FAM184A: variants seen among roughly 807,000 people sequenced by gnomAD.
FAM184A encodes the protein family with sequence similarity 184 member A.
In FAM184A, 99 loss-of-function variants were observed where a neutral mutation model predicts 143.8. The ratio of observed to expected loss-of-function variants is 0.69; its 90% CI spans 0.58 to 0.81. FAM184A has a LOEUF of 0.81. Among genes scored for constraint, FAM184A ranks in the 40% least tolerant of loss-of-function variants. The probability of loss-of-function intolerance (pLI) is 0.00; values close to 1 mark genes in which losing one functional copy is unlikely to be tolerated. For missense variants in FAM184A, 1,217 were observed against 1,310.5 expected (o/e 0.93, Z 1.10); for synonymous variants, 427 against 446.4 (o/e 0.96, Z 0.55).
At chr6:119,115,205 C>A in intron 1 of FAM184A, among the ~76,000 whole-genome samples, 1 of 152,152 alleles carries the variant, frequency 6.6e-6, no homozygotes, top group Non-Finnish European at 1.5e-5. Flanking sequence ...TTCCACAGCT[C>A]AAATAAAATT....
chr6:119,148,795 AT>A lies in FAM184A; in HGVS notation c.-202+282del, dbSNP rs760666813. On this transcript the variant is annotated intron_variant, in intron 1 of 16. Transcript: ENST00000352896. The stretch of plus-strand genomic sequence containing the variant: ...AAAGCTCCAGGGAATCAGGATCTGT[AT>A]TTTTTTTTTTTTAATGAATGTCAGA... Among the ~76,000 whole-genome samples the A allele has an allele frequency of 5.4e-3, 781 of 145,674 alleles. 7 individuals carry two copies. Among genetic ancestry groups the A allele is most frequent in the African/African-American group, 0.012 (491 of 39,938 alleles).
At chr6:119,091,589 G>GGTAACAACGTTAGTAA (rs1251883327) in intron 1 of FAM184A, among the ~76,000 whole-genome samples, 2 of 152,138 alleles carry the variant, frequency 1.3e-5, no homozygotes, top group African/African-American at 4.8e-5. Context: ...ATGTTATACA[G>GGTAACAACGTTAGTAA]GTAACAACGT....
Position 119,078,222 on chromosome 6 carries a change from G to A in FAM184A, c.78C>T (p.Thr26=), listed in dbSNP as rs368464411. The change falls in exon 1 of 18, where the codon ACC becomes ACT. Residue 26 remains threonine, a synonymous_variant. Transcript: ENST00000338891. This position sits in a 1 kb window ranked among gnomAD's most constrained non-coding sequence, Gnocchi z 5.5. ...CCATGCTGTGCCCAGCCAGCTGTGC[G>A]GTGGCCGGCGAGGGCGCGAATTTGG... ...SAAKFAPSPA[T]AQLAGHSMDY... is the part of the protein sequence containing the mutation. 619 of 1,549,680 alleles carry A rather than the reference G, an allele frequency of 4.0e-4. 2 individuals are homozygous for A. Among genetic ancestry groups the A allele is most frequent in the Non-Finnish European group, 3.7e-4 (426 of 1,151,302 alleles).
intron 14 of FAM184A, 86 bp downstream of exon 14, chr6:118,974,342 G>T: frequency 7.7e-7 from 1 of 1,293,734 alleles, no homozygotes; most frequent in Non-Finnish European, 1.1e-6. Flanking sequence ...TTTTATTAGA[G>T]TCAAAATAAC....
intron 1 of FAM184A, among the ~76,000 whole-genome samples, chr6:119,066,447 G>C (rs706979): frequency 0.076 from 11,545 of 152,218 alleles, 680 homozygotes; most frequent in East Asian, 0.2. Flanking sequence ...ATCTGCTAAT[G>C]CTAATGTCAG....
At chr6:118,984,148 T>TA (rs1408962222) in intron 9 of FAM184A, among the ~76,000 whole-genome samples, 3 of 59,458 alleles carry the variant, frequency 5.0e-5, no homozygotes, top group African/African-American at 1.8e-4. Context: ...GAAACTCCAT[T>TA]TAAAAAAAAA....
chr6:118,996,157 T>G (rs555866615), intron 9 of FAM184A, among the ~76,000 whole-genome samples: 63 of 152,274 alleles, frequency 4.1e-4, no homozygotes, highest in African/African-American at 1.5e-3. Context: ...ATAAAATTAT[T>G]TAGATCAATT....
At chr6:119,087,423 C>G (rs1354082571) in intron 1 of FAM184A, among the ~76,000 whole-genome samples, 2 of 152,054 alleles carry the variant, frequency 1.3e-5, no homozygotes, top group African/African-American at 4.8e-5. Flanking sequence ...AAAATATGGA[C>G]AAAGGACTTG....
At chr6:119,034,642 G>A (rs1417161255) in intron 1 of FAM184A, among the ~76,000 whole-genome samples, 2 of 151,008 alleles carry the variant, frequency 1.3e-5, no homozygotes, top group Non-Finnish European at 2.9e-5. Context: ...GAGAGCCTAG[G>A]CTGGATATTT....
intron 1 of FAM184A, among the ~76,000 whole-genome samples, chr6:119,108,128 AGTGTGTGT>A (rs57693047): frequency 8.8e-5 from 13 of 147,378 alleles, no homozygotes; most frequent in African/African-American, 2.3e-4. Context: ...AGCACTTGTT[AGTGTGTGT>A]GTGTGTGTGT....
chr6:118,982,138 C>T (rs772901198), intron 9 of FAM184A, among the ~76,000 whole-genome samples: 29 of 152,130 alleles, frequency 1.9e-4, no homozygotes, highest in South Asian at 1.0e-3. Flanking sequence ...CATGACTTCT[C>T]ACCATTTTAT....
chr6:119,139,808 C>T (rs1772153726), intron 1 of FAM184A, among the ~76,000 whole-genome samples: 1 of 152,204 alleles, frequency 6.6e-6, no homozygotes, highest in Non-Finnish European at 1.5e-5. Context: ...TCTTCACGTC[C>T]TCTTTTTTTT....
At chr6:119,074,444 A>C (rs1306805097) in intron 1 of FAM184A, among the ~76,000 whole-genome samples, 2 of 152,192 alleles carry the variant, frequency 1.3e-5, no homozygotes, top group Non-Finnish European at 2.9e-5. Flanking sequence ...TTTTAATTTT[A>C]ATAATCAAAT....
chr6:119,113,949 A>G (rs1788996614), intron 1 of FAM184A, among the ~76,000 whole-genome samples: 1 of 152,232 alleles, frequency 6.6e-6, no homozygotes, highest in Admixed American at 6.5e-5. Flanking sequence ...CAAAATAAAT[A>G]AATAAATAAA....
At chr6:119,082,414 C>T (rs1788099110), upstream of FAM184A, among the ~76,000 whole-genome samples, 1 of 152,224 alleles carries the variant, frequency 6.6e-6, no homozygotes, top group African/African-American at 2.4e-5. Context: ...ACCCAAAAGT[C>T]CAAGCCCAAA....
intron 9 of FAM184A, among the ~76,000 whole-genome samples, chr6:118,981,845 T>C (rs1462447358): frequency 6.6e-6 from 1 of 152,232 alleles, no homozygotes; most frequent in African/African-American, 2.4e-5. Flanking sequence ...TCTGTTTTAA[T>C]GTATTTCCGA....
intron 1 of FAM184A, among the ~76,000 whole-genome samples, chr6:119,135,103 A>G (rs1400411542): frequency 6.6e-6 from 1 of 152,232 alleles, no homozygotes; most frequent in East Asian, 1.9e-4. Context: ...TAATACATAA[A>G]TGGATAAACT....
intron 9 of FAM184A, among the ~76,000 whole-genome samples, chr6:118,982,754 G>A (rs944382226): frequency 8.5e-5 from 13 of 152,110 alleles, no homozygotes; most frequent in African/African-American, 2.9e-4. Context: ...TTTGACTCAC[G>A]TTTGACCTAT....
chr6:119,039,471 A>G (rs1786237024), intron 1 of FAM184A, among the ~76,000 whole-genome samples: 1 of 152,272 alleles, frequency 6.6e-6, no homozygotes, highest in Non-Finnish European at 1.5e-5. Context: ...AAGCCATGGG[A>G]AAACATGAAG....
Sources: gnomAD v4.1 joint callset for allele counts (sites outside exome capture counted in the v4.1 genomes callset) on GRCh38, gnomAD v4.1.1 for gene constraint, Gnocchi (gnomAD v3.1) non-coding constraint, MANE v1.5 for transcripts, NCBI Gene and HGNC (gene_info 2026-07-23, HGNC 2026-07-21) for gene names.